The following GLI2 variants were observed in gnomAD, a reference collection of about 807,000 sequenced individuals.
The protein encoded by GLI2 is transcription activator GLI2.
Under a neutral mutation model 78.9 loss-of-function variants are expected in GLI2, and 22 were observed. The observed-to-expected ratio is 0.28, with a 90% CI of 0.20 to 0.40. GLI2 has a LOEUF of 0.40. Among genes scored for constraint, GLI2 ranks in the 10% least tolerant of loss-of-function variants. The probability of loss-of-function intolerance (pLI) is 1.00; values close to 1 mark genes in which losing one functional copy is unlikely to be tolerated. For synonymous variants in GLI2, 974 were observed against 963.7 expected, an observed-to-expected ratio of 1.01 and a Z score of -0.20; for missense variants, 2,097 against 2,213.2, an observed-to-expected ratio of 0.95 and a Z score of 1.05.
In GLI2 at chr2:120,990,440, A is replaced by G. The variant is rs900924402; in HGVS notation, c.4475A>G (p.Gln1492Arg). ...GACTCCCAGCTCCTGGAGGCCCCCCAGATTGACTTCGATGCCATCATGGAT... is the reference window on the plus strand; with the variant it reads ...GACTCCCAGCTCCTGGAGGCCCCCCGGATTGACTTCGATGCCATCATGGAT... ...TVDSQLLEAP[Q>R]IDFDAIMDDG... The change falls in exon 14 of 14, where the codon CAG becomes CGG. Residue 1492 changes from glutamine to arginine, a missense_variant. By Grantham distance (43) the Gln-to-Arg change is conservative. Around this residue, in one of 5 missense-constraint regions of GLI2, gnomAD observed 1,290 missense variants for 1,261.7 expected, o/e 1.02. Transcript: ENST00000361492. 6.2e-7 allele frequency: 1 copy of G among 1,613,950 alleles called. No individual in the cohort carries two copies. Among genetic ancestry groups the G allele is most frequent in the Admixed American group, 1.7e-5 (1 of 60,018 alleles).
Position 120,923,204 on chromosome 2 carries a change from C to T in GLI2, c.149-4157C>T, listed in dbSNP as rs578027579. On this transcript the variant is annotated intron_variant, in intron 2 of 13. Transcript: ENST00000361492. ...ACATACACACAGCAACACTTATACA[C>T]ATACAGCACACACGTACACATATAC... 1.5e-4 allele frequency among the ~76,000 whole-genome samples: 23 copies of T among 151,722 alleles called. No homozygotes were observed. In the East Asian group the frequency reaches 4.5e-3, roughly 29 times the overall value.
chr2:120,924,901 C>T (rs554682812), intron 2 of GLI2, among the ~76,000 whole-genome samples: 2 of 152,360 alleles, frequency 1.3e-5, no homozygotes, highest in East Asian at 1.9e-4. Flanking sequence ...CCGGGCGAAG[C>T]GCCTCCTGTG....
intron 1 of GLI2, among the ~76,000 whole-genome samples, chr2:120,773,975 C>T (rs1683603993): frequency 1.5e-5 from 2 of 135,678 alleles, no homozygotes; most frequent in South Asian, 5.3e-4. Flanking sequence ...CCTTCCCTCT[C>T]TCCTTCCCTC....
At chr2:120,803,400 G>T (rs1684792521) in intron 2 of GLI2, among the ~76,000 whole-genome samples, 1 of 152,222 alleles carries the variant, frequency 6.6e-6, no homozygotes, top group Non-Finnish European at 1.5e-5. Context: ...TTGAGTATTT[G>T]CTTTATGAAC....
intron 2 of GLI2, among the ~76,000 whole-genome samples, chr2:120,923,631 A>G (rs1271931849): frequency 2.0e-5 from 3 of 152,114 alleles, no homozygotes; most frequent in East Asian, 1.9e-4. Context: ...CACCACATGC[A>G]CATACACAGC....
intron 3 of GLI2, among the ~76,000 whole-genome samples, chr2:120,943,970 G>T (rs1201349036): frequency 6.6e-6 from 1 of 152,152 alleles, no homozygotes; most frequent in Non-Finnish European, 1.5e-5. Context: ...CGGTGCTCAG[G>T]CCAGATGCCC....
intron 2 of GLI2, among the ~76,000 whole-genome samples, chr2:120,865,655 A>T (rs114374723): frequency 1.3e-5 from 2 of 152,180 alleles, no homozygotes; most frequent in East Asian, 1.9e-4. Context: ...TTGCAACCCC[A>T]TGGCCCTATA....
At chr2:120,921,331 T>G (rs1679370073) in intron 2 of GLI2, among the ~76,000 whole-genome samples, 1 of 152,002 alleles carries the variant, frequency 6.6e-6, no homozygotes, top group Admixed American at 6.5e-5. Context: ...GGGCTGGGGC[T>G]GGTGTGTCAA....
intron 2 of GLI2, among the ~76,000 whole-genome samples, chr2:120,849,523 G>C (rs1036679146): frequency 1.3e-5 from 2 of 152,144 alleles, no homozygotes; most frequent in African/African-American, 4.8e-5. Flanking sequence ...GTAACTCTCT[G>C]GGGTAACCAG....
chr2:120,804,017 C>G (rs142476565), intron 2 of GLI2, among the ~76,000 whole-genome samples: 3 of 152,144 alleles, frequency 2.0e-5, no homozygotes, highest in African/African-American at 7.2e-5. Flanking sequence ...GTGTGTGCTA[C>G]CTACTCATAC....
intron 1 of GLI2, among the ~76,000 whole-genome samples, chr2:120,795,535 GAAA>G (rs34682755): frequency 6.3e-5 from 9 of 142,850 alleles, no homozygotes; most frequent in African/African-American, 2.2e-4. Flanking sequence ...ATAAAAAAAT[GAAA>G]AAAAAAAAAA....
At chr2:120,744,510 T>A (rs1453558944) in intron 1 of GLI2, among the ~76,000 whole-genome samples, 2 of 152,228 alleles carry the variant, frequency 1.3e-5, no homozygotes, top group African/African-American at 4.8e-5. Context: ...TCAGGTACAT[T>A]CATCTACCGA....
In GLI2 at chr2:120,752,520, C is replaced by T. The variant is rs1682908729; in HGVS notation, c.-31+16235C>T. Among the ~76,000 whole-genome samples the T allele has an allele frequency of 3.3e-5, 5 of 152,248 alleles. No individual in the cohort carries two copies. In the South Asian group the frequency reaches 6.2e-4, roughly 19 times the overall value. ...TCCTGACCTCGTGATCCGCCCACCTCGGCCTCCTAAAGTGCTGGGATTACA... is the reference window on the plus strand; with the variant it reads ...TCCTGACCTCGTGATCCGCCCACCTTGGCCTCCTAAAGTGCTGGGATTACA... On this transcript the variant is annotated intron_variant, in intron 1 of 13. Transcript: ENST00000361492.
In GLI2 at chr2:120,945,955, T is replaced by TCACACACACACACACACACACA. The variant is rs1240890746; in HGVS notation, c.255-5287_255-5286insACACACACACACACACACACAC. Among the ~76,000 whole-genome samples, 11 of 11,562 alleles carry TCACACACACACACACACACACA rather than the reference T, an allele frequency of 9.5e-4. No individual in the cohort carries two copies. In the Admixed American group the frequency reaches 0.013, roughly 14 times the overall value. 7.6% of individuals were successfully genotyped at this position (11,562 alleles called of 152,430 possible). Reference sequence around the variant, plus strand: ...GTGCCCTGCCCCTCAGGCATAACCTTCTCACACACACACACACACACACAC... The same window carrying TCACACACACACACACACACACA: ...GTGCCCTGCCCCTCAGGCATAACCTTCACACACACACACACACACACACTCACACACACACACACACACACAC... On this transcript the variant is annotated intron_variant, in intron 3 of 13. Transcript: ENST00000361492.
At chr2:120,875,967 A>G (rs1688715227) in intron 2 of GLI2, among the ~76,000 whole-genome samples, 2 of 152,236 alleles carry the variant, frequency 1.3e-5, no homozygotes, top group Non-Finnish European at 1.5e-5. Flanking sequence ...TCTTAGGGAA[A>G]GAATGGACTG....
At position 120,951,691 on chromosome 2, in the gene GLI2, G is replaced by A. The variant is rs902542191; in HGVS notation, c.457+246G>A. 1.5e-5 allele frequency: 7 copies of A among 481,108 alleles called. No individual in the cohort carries two copies. In the Admixed American group the frequency reaches 1.9e-4, roughly 13 times the overall value. The allele number at this position is 481,108 out of a possible 1,614,324, so 29.8% of individuals were successfully genotyped here. A position where few individuals can be genotyped will look rare whatever the true frequency, so the allele number is the denominator to read the frequency against. ...GATCTATTGTAATAATAACAGTAAG[G>A]GTCTATCCAGGTAGGTCCTGTGTAG... On this transcript the variant is annotated intron_variant, in intron 4 of 13. Coordinates refer to ENST00000361492, the MANE Select transcript of GLI2 (RefSeq NM_001374353.1).
At chr2:120,812,877 G>T (rs1184188478) in intron 2 of GLI2, among the ~76,000 whole-genome samples, 1 of 152,204 alleles carries the variant, frequency 6.6e-6, no homozygotes, top group East Asian at 1.9e-4. Context: ...CCACATGGGG[G>T]ATGCTTCACA....
chr2:120,784,028 CGTT>C (rs1164776478), intron 1 of GLI2, among the ~76,000 whole-genome samples: 1 of 152,148 alleles, frequency 6.6e-6, no homozygotes. Context: ...TTAAACATCC[CGTT>C]ACCAGCTGTC....
intron 1 of GLI2, among the ~76,000 whole-genome samples, chr2:120,786,044 G>A (rs994420174): frequency 7.9e-5 from 12 of 152,218 alleles, no homozygotes; most frequent in Non-Finnish European, 2.9e-5. Context: ...TTAGAAACAC[G>A]TGGTCTGGGC....
Sources: gnomAD v4.1 joint callset for allele counts (sites outside exome capture counted in the v4.1 genomes callset) on GRCh38, gnomAD v4.1.1 for gene constraint, gnomAD v4.1.1 regional missense constraint, MANE v1.5 for transcripts, NCBI Gene and HGNC (gene_info 2026-07-23, HGNC 2026-07-21) for gene names.